NYX: variants seen among roughly 807,000 people sequenced by gnomAD.
The protein encoded by NYX is leucine-rich repeat protein.
For missense variants in NYX, 481 were observed against 485.4 expected (o/e 0.99, Z 0.09); for synonymous variants, 258 against 245.7 (o/e 1.05, Z -0.47).
chrX:41,456,766 T>C (rs1319670994), intron 2 of NYX, among the ~76,000 whole-genome samples: 4 of 111,927 alleles, frequency 3.6e-5, no homozygotes, highest in Non-Finnish European at 7.5e-5. Flanking sequence ...AAAGAGAGTT[T>C]CCGGCTTCCA....
chrX:41,448,494 G>C (rs1200560992), intron 2 of NYX, among the ~76,000 whole-genome samples: 2 of 108,381 alleles, frequency 1.8e-5, no homozygotes, highest in African/African-American at 6.7e-5. Context: ...TGCCCGCCTC[G>C]GCCTCCCAAA....
rs1199648494 is a variant in NYX, at chrX:41,474,360, G to C, written c.892G>C (p.Gly298Arg). 2.5e-6 allele frequency: 3 copies of C among 1,206,849 alleles called. No individual in the cohort carries two copies. The highest frequency in any genetic ancestry group is 3.4e-6 in the Non-Finnish European group (3 of 895,163). Residue 298 changes from glycine to arginine, a missense_variant, in exon 3 of 3, where the codon GGT becomes CGT. Transcript: ENST00000378220. ...GGAGGGCGCCTTCCAGAACCTCTCG[G>C]GTCTCCTCGCGCTGCACCTCAACGG... Reference protein sequence around the residue: ...VEEGAFQNLSGLLALHLNGNR... With the variant: ...VEEGAFQNLSRLLALHLNGNR...
At chrX:41,460,439 G>A (rs774574796) in intron 2 of NYX, among the ~76,000 whole-genome samples, 5 of 111,547 alleles carry the variant, frequency 4.5e-5, no homozygotes, top group Admixed American at 2.9e-4. Flanking sequence ...AAGAAGTGTT[G>A]GGATTCCAGG....
intron 2 of NYX, among the ~76,000 whole-genome samples, chrX:41,463,928 G>C (rs1474206813): frequency 2.7e-5 from 3 of 111,497 alleles, no homozygotes; most frequent in Non-Finnish European, 3.8e-5. Flanking sequence ...ATTCCTTCTT[G>C]TAGACCTAAT....
intron 1 of NYX, 78 bp downstream of exon 1, chrX:41,447,594 C>G: frequency 5.4e-6 from 2 of 372,844 alleles, no homozygotes; most frequent in Non-Finnish European, 9.5e-6. Flanking sequence ...GCTGGGTTGT[C>G]AGTGATGCCA....
At chrX:41,459,530 A>G (rs771077681) in intron 2 of NYX, among the ~76,000 whole-genome samples, 2 of 110,505 alleles carry the variant, frequency 1.8e-5, no homozygotes, top group Non-Finnish European at 3.8e-5. Flanking sequence ...GAGGCAGAAG[A>G]ATCACTTGAA....
intron 2 of NYX, among the ~76,000 whole-genome samples, chrX:41,464,954 C>A (rs959141551): frequency 6.3e-5 from 7 of 111,218 alleles, no homozygotes; most frequent in African/African-American, 2.3e-4. Context: ...AGATTTTCTT[C>A]TGCAGTGTCT....
rs1569262101 is a variant in NYX, at chrX:41,450,830, T to TATA, written c.22+2904_22+2905insATA. ...CTGGCTAATATATATATATATATATTTTTTTTTTTTTTTTTTTTTTTTTTT... is the reference window on the plus strand; with the variant it reads ...CTGGCTAATATATATATATATATATTATATTTTTTTTTTTTTTTTTTTTTTTTT... On this transcript the variant is annotated intron_variant, in intron 2 of 2. Transcript: ENST00000378220. Among the ~76,000 whole-genome samples, 46 of 15,096 alleles carry TATA rather than the reference T, an allele frequency of 3.0e-3. No homozygotes were observed. In the Admixed American group the frequency reaches 0.043, roughly 14 times the overall value. 13.1% of individuals were successfully genotyped at this position (15,096 alleles called of 115,157 possible). A position where few individuals can be genotyped will look rare whatever the true frequency, so the allele number is the denominator to read the frequency against.
rs1326635886 is a variant in NYX at position 41,473,648 on chromosome X, C to T, written c.180C>T (p.Val60=). 1.8e-6 allele frequency: 2 copies of T among 1,082,582 alleles called. No individual in the cohort carries two copies. The highest frequency in any genetic ancestry group is 8.2e-5 in the East Asian group (2 of 24,514). 89.2% of individuals were successfully genotyped at this position (1,082,582 alleles called of 1,213,427 possible). Residue 60 remains valine (V), a synonymous_variant, in exon 3 of 3, where the codon GTC becomes GTT. Coordinates refer to ENST00000378220, the MANE Select transcript of NYX (RefSeq NM_001378477.3). ...RVPAELPCEA[V]SIDLDRNGLR... ...CGGCCGAGCTCCCGTGCGAGGCGGTCTCCATCGACCTGGACCGGAACGGCC... is the reference window on the plus strand; with the variant it reads ...CGGCCGAGCTCCCGTGCGAGGCGGTTTCCATCGACCTGGACCGGAACGGCC...
intron 2 of NYX, among the ~76,000 whole-genome samples, chrX:41,455,107 G>GT (rs1299297892): frequency 0.012 from 1,232 of 103,492 alleles, 18 homozygotes; most frequent in African/African-American, 0.04. Context: ...TTGTTTTTTT[G>GT]TTTTTTTTTT....
chrX:41,464,670 C>CATGTGTGTGT (rs779597303), intron 2 of NYX, among the ~76,000 whole-genome samples: 8 of 101,840 alleles, frequency 7.9e-5, no homozygotes, highest in East Asian at 6.3e-4. Context: ...ATGGGCCGTG[C>CATGTGTGTGT]GTGTGTGTGT....
In NYX at chrX:41,474,375, C is replaced by G. The variant is rs770982596; in HGVS notation, c.907C>G (p.His303Asp). The G allele has an allele frequency of 1.7e-6, 2 of 1,208,094 alleles. No individual in the cohort carries two copies. Among genetic ancestry groups the G allele is most frequent in the Admixed American group, 2.2e-5 (1 of 46,115 alleles). The change falls in exon 3 of 3, where the codon CAC (histidine) becomes GAC (aspartate). Residue 303 changes from histidine to aspartate, a missense_variant. By Grantham distance (81) the His-to-Asp change is moderately conservative. Coordinates refer to ENST00000378220, the MANE Select transcript of NYX (RefSeq NM_001378477.3). ...FQNLSGLLAL[H>D]LNGNRLTVLA... Reference sequence around the variant, plus strand: ...GAACCTCTCGGGTCTCCTCGCGCTGCACCTCAACGGCAACCGCCTCACCGT... The same window carrying G: ...GAACCTCTCGGGTCTCCTCGCGCTGGACCTCAACGGCAACCGCCTCACCGT...
intron 2 of NYX, among the ~76,000 whole-genome samples, chrX:41,462,904 C>CT (rs770915009): frequency 8.9e-6 from 1 of 111,885 alleles, no homozygotes; most frequent in East Asian, 2.8e-4. Flanking sequence ...TATTGCCCGT[C>CT]TTTTCATTTA....
chrX:41,460,945 T>C (rs1437990419), intron 2 of NYX, among the ~76,000 whole-genome samples: 1 of 96,492 alleles, frequency 1.0e-5, no homozygotes, highest in African/African-American at 3.8e-5. Context: ...ATCTATCACG[T>C]GATTCATCCA....
intron 2 of NYX, among the ~76,000 whole-genome samples, chrX:41,464,519 G>C (rs1426951441): frequency 8.9e-6 from 1 of 111,957 alleles, no homozygotes; most frequent in Non-Finnish European, 1.9e-5. Flanking sequence ...TCACTTTGGG[G>C]GTTAGGATTT....
chrX:41,455,130 G>T (rs2064294558), intron 2 of NYX, among the ~76,000 whole-genome samples: 1 of 108,866 alleles, frequency 9.2e-6, no homozygotes, highest in Non-Finnish European at 1.9e-5. Context: ...TTTTGAGACA[G>T]AGTCTCACTC....
Position 41,453,319 on chromosome X carries a change from T to C in NYX, c.22+5393T>C, listed in dbSNP as rs775714062. Reference sequence around the variant, plus strand: ...CTCGGGGGCTGGCCAGGACACCCGATAGGGACACACAAGCAGGGAGCCATT... The same window carrying C: ...CTCGGGGGCTGGCCAGGACACCCGACAGGGACACACAAGCAGGGAGCCATT... On this transcript the variant is annotated intron_variant, in intron 2 of 2. Transcript: ENST00000378220. Among the ~76,000 whole-genome samples the C allele has an allele frequency of 4.5e-5, 5 of 111,498 alleles. No individual in the cohort carries two copies. In the East Asian group the frequency reaches 8.5e-4, roughly 19 times the overall value.
chrX:41,471,833 A>G (rs201815212), intron 2 of NYX, among the ~76,000 whole-genome samples: 1 of 101,702 alleles, frequency 9.8e-6, no homozygotes, highest in Middle Eastern at 4.6e-3. Context: ...ATATATATGT[A>G]TTTTTTTTTT....
At chrX:41,450,502 C>T (rs948664977) in intron 2 of NYX, among the ~76,000 whole-genome samples, 7 of 110,355 alleles carry the variant, frequency 6.3e-5, no homozygotes, top group African/African-American at 3.3e-5. Context: ...AACTCATGGC[C>T]TCAAGTGATC....
Sources: gnomAD v4.1 joint callset for allele counts (sites outside exome capture counted in the v4.1 genomes callset) on GRCh38, gnomAD v4.1.1 for gene constraint, MANE v1.5 for transcripts, NCBI Gene and HGNC (gene_info 2026-07-23, HGNC 2026-07-21) for gene names.